The following ABTB3 variants were observed in gnomAD, a reference collection of about 807,000 sequenced individuals.
ABTB3 encodes ankyrin repeat and BTB domain containing 3.
the ABTB3 span, among the ~76,000 whole-genome samples, chr12:107,582,689 G>T: frequency 1.3e-5 from 2 of 152,190 alleles, no homozygotes; most frequent in African/African-American, 4.8e-5. Context: ...GGGAACCATT[G>T]GTGGAGCAGC....
chr12:107,572,406 C>T, the ABTB3 span, among the ~76,000 whole-genome samples: 1 of 152,044 alleles, frequency 6.6e-6, no homozygotes, highest in Non-Finnish European at 1.5e-5. Context: ...TTCAAGCCAC[C>T]AAGTTTGTGG....
the ABTB3 span, among the ~76,000 whole-genome samples, chr12:107,655,347 C>T: frequency 4.6e-5 from 7 of 152,044 alleles, no homozygotes; most frequent in South Asian, 1.5e-3. Flanking sequence ...GCCTTCCCAG[C>T]CACTACCTGG....
At chr12:107,632,368 A>G in the ABTB3 span, among the ~76,000 whole-genome samples, 2 of 152,234 alleles carry the variant, frequency 1.3e-5, no homozygotes, top group Non-Finnish European at 2.9e-5. Context: ...AAGATGCACG[A>G]GACACACCCT....
chr12:107,493,686 G>T, the ABTB3 span, among the ~76,000 whole-genome samples: 1 of 152,152 alleles, frequency 6.6e-6, no homozygotes, highest in Admixed American at 6.5e-5. Flanking sequence ...TGAAGATGAG[G>T]TCATCCTGGA....
At chr12:107,387,561 A>C in the ABTB3 span, among the ~76,000 whole-genome samples, 1 of 152,218 alleles carries the variant, frequency 6.6e-6, no homozygotes, top group African/African-American at 2.4e-5. Context: ...TAATATTGAT[A>C]TGGTAACAAG....
chr12:107,644,289 G>T, the ABTB3 span, among the ~76,000 whole-genome samples: 1 of 152,182 alleles, frequency 6.6e-6, no homozygotes, highest in Admixed American at 6.5e-5. Flanking sequence ...CGAAGCCAGT[G>T]GTTCTGAACC....
chr12:107,377,838 G>T, the ABTB3 span, among the ~76,000 whole-genome samples: 1 of 152,190 alleles, frequency 6.6e-6, no homozygotes, highest in Non-Finnish European at 1.5e-5. Flanking sequence ...AAGGCAGTAG[G>T]ATGTGGCCAA....
At chr12:107,598,485 C>G in the ABTB3 span, among the ~76,000 whole-genome samples, 1 of 152,146 alleles carries the variant, frequency 6.6e-6, no homozygotes, top group Non-Finnish European at 1.5e-5. Flanking sequence ...AGCCAAAACT[C>G]AGTGACACAG....
At chr12:107,455,970 T>A in the ABTB3 span, among the ~76,000 whole-genome samples, 7 of 152,208 alleles carry the variant, frequency 4.6e-5, no homozygotes, top group Non-Finnish European at 1.0e-4. Context: ...CACTGCACTG[T>A]CTTGGCCAAA....
At chr12:107,487,827 C>A in the ABTB3 span, among the ~76,000 whole-genome samples, 2 of 152,100 alleles carry the variant, frequency 1.3e-5, no homozygotes, top group Non-Finnish European at 2.9e-5. Context: ...TAGCAAAATA[C>A]AAATGACATT....
At chr12:107,459,300 T>A in the ABTB3 span, among the ~76,000 whole-genome samples, 1 of 152,216 alleles carries the variant, frequency 6.6e-6, no homozygotes, top group Non-Finnish European at 1.5e-5. Flanking sequence ...ATTGCCGCAC[T>A]GAACCCCATG....
At chr12:107,582,864 G>A in the ABTB3 span, among the ~76,000 whole-genome samples, 1 of 152,218 alleles carries the variant, frequency 6.6e-6, no homozygotes, top group South Asian at 2.1e-4. Context: ...CAACCTGGAT[G>A]TCTTGGCAGC....
the ABTB3 span, among the ~76,000 whole-genome samples, chr12:107,630,570 A>C: frequency 6.6e-6 from 1 of 151,588 alleles, no homozygotes; most frequent in African/African-American, 2.4e-5. Context: ...CAACCTCCCG[A>C]GTAGCTGGGA....
chr12:107,375,467 A>ATCATCATC, the ABTB3 span, among the ~76,000 whole-genome samples: 1 of 142,600 alleles, frequency 7.0e-6, no homozygotes, highest in East Asian at 2.2e-4. Flanking sequence ...TCATCATCAT[A>ATCATCATC]AATAAAAATA....
chr12:107,469,950 T>TTC, the ABTB3 span, among the ~76,000 whole-genome samples: 147 of 45,874 alleles, frequency 3.2e-3, 13 homozygotes, highest in Middle Eastern at 9.6e-3. Flanking sequence ...TTCTCTTTCT[T>TTC]TCTTTCTTTC....
the ABTB3 span, among the ~76,000 whole-genome samples, chr12:107,406,539 T>G: frequency 6.6e-6 from 1 of 152,056 alleles, no homozygotes; most frequent in Non-Finnish European, 1.5e-5. Flanking sequence ...AACCTCACCA[T>G]GCATGCTCCT....
At chr12:107,579,853 T>A in the ABTB3 span, among the ~76,000 whole-genome samples, 68 of 152,330 alleles carry the variant, frequency 4.5e-4, no homozygotes, top group African/African-American at 1.6e-3. Flanking sequence ...GCAGGAAACC[T>A]TTTGCATCTA....
the ABTB3 span, among the ~76,000 whole-genome samples, chr12:107,389,336 G>A: frequency 1.3e-5 from 2 of 152,184 alleles, no homozygotes; most frequent in South Asian, 4.1e-4. Flanking sequence ...CATATTGCAT[G>A]CTTTATCTCA....
At chr12:107,375,619 C>T in the ABTB3 span, among the ~76,000 whole-genome samples, 5 of 152,160 alleles carry the variant, frequency 3.3e-5, no homozygotes, top group African/African-American at 4.8e-5. Context: ...GCAGGTAGCG[C>T]GAAGTTTCTG....
Sources: gnomAD v4.1 joint callset for allele counts (sites outside exome capture counted in the v4.1 genomes callset) on GRCh38, gnomAD v4.1.1 for gene constraint, MANE v1.5 for transcripts, NCBI Gene and HGNC (gene_info 2026-07-23, HGNC 2026-07-21) for gene names.